The following WWP2 variants were observed in gnomAD, a reference collection of about 807,000 sequenced individuals.
The protein encoded by WWP2 is NEDD4-like E3 ubiquitin-protein ligase WWP2.
A neutral mutation model predicts 121.0 loss-of-function variants in WWP2; 57 were observed. That is an observed-to-expected ratio of 0.47 (90% CI 0.38 to 0.59). The LOEUF (loss-of-function observed/expected upper bound fraction) is 0.59. Among genes scored for constraint, WWP2 ranks in the 20% least tolerant of loss-of-function variants. The probability of loss-of-function intolerance (pLI) is 0.00; values close to 1 mark genes in which losing one functional copy is unlikely to be tolerated. For synonymous variants in WWP2, 449 were observed against 441.3 expected (o/e 1.02, Z -0.22); for missense variants, 962 against 1,158.9 (o/e 0.83, Z 2.47).
intron 8 of WWP2, among the ~76,000 whole-genome samples, chr16:69,899,773 C>G (rs1471670364): frequency 6.7e-6 from 1 of 148,346 alleles, no homozygotes; most frequent in Non-Finnish European, 1.5e-5. Flanking sequence ...TTTATAGGCA[C>G]TGGGGTGGCA....
intron 8 of WWP2, among the ~76,000 whole-genome samples, chr16:69,901,114 AT>A (rs2058196767): frequency 6.6e-6 from 1 of 152,200 alleles, no homozygotes; most frequent in Non-Finnish European, 1.5e-5. Flanking sequence ...CTGCAGACAG[AT>A]TGCTGACTCA....
At chr16:69,850,115 A>G (rs545799517) in intron 6 of WWP2, among the ~76,000 whole-genome samples, 4 of 152,186 alleles carry the variant, frequency 2.6e-5, no homozygotes, top group South Asian at 4.2e-4. Context: ...GGCCGGGCGC[A>G]GTGGCTCACG....
chr16:69,909,394 A>G (rs1438986864), intron 9 of WWP2: 3 of 985,776 alleles, frequency 3.0e-6, no homozygotes, highest in Middle Eastern at 5.2e-4. Context: ...AAATATGCAC[A>G]CTTCCCCTGC....
chr16:69,849,911 G>T (rs79696706), intron 6 of WWP2, among the ~76,000 whole-genome samples: 24,265 of 152,064 alleles, frequency 0.16, 2,267 homozygotes, highest in East Asian at 0.4. Context: ...TTTATTTATT[G>T]CATAGATATT....
chr16:69,788,572 A>G (rs1360710729), intron 2 of WWP2, among the ~76,000 whole-genome samples: 2 of 152,100 alleles, frequency 1.3e-5, no homozygotes, highest in Non-Finnish European at 2.9e-5. Context: ...TTTTCGCTTC[A>G]TTATTTCCTT....
chr16:69,935,273 C>T lies in WWP2; in HGVS notation c.1843-580C>T, dbSNP rs2058779596. ...GTGACTAAATATGGCCGGCCCTTCC[C>T]ATCGTCGAGGAGTTCTTGGCCAAGG... is the stretch of plus-strand genomic sequence containing the variant. On this transcript the variant is annotated intron_variant, in intron 17 of 23. Transcript: ENST00000359154. This position sits in a 1 kb window ranked among gnomAD's most constrained non-coding sequence, Gnocchi z 5.2. 6.6e-6 allele frequency among the ~76,000 whole-genome samples: 1 copy of T among 152,200 alleles called. No individual in the cohort carries two copies. The highest frequency in any genetic ancestry group is 2.4e-5 in the African/African-American group (1 of 41,442).
intron 4 of WWP2, among the ~76,000 whole-genome samples, chr16:69,802,807 G>T (rs1367549382): frequency 6.6e-6 from 1 of 151,980 alleles, no homozygotes; most frequent in Non-Finnish European, 1.5e-5. Flanking sequence ...GTTTCACCAT[G>T]TTGGCCAGGC....
rs1407323258 is a variant in WWP2, at chr16:69,922,071, C to CCG, written c.1180-3358_1180-3357insGC. 2.8e-5 allele frequency among the ~76,000 whole-genome samples: 4 copies of CCG among 141,728 alleles called. No homozygotes were observed. In the East Asian group the frequency reaches 7.8e-4, roughly 28 times the overall value. 93.0% of individuals were successfully genotyped at this position (141,728 alleles called of 152,430 possible). On this transcript the variant is annotated intron_variant, in intron 10 of 23. Transcript: ENST00000359154. ...CCAGCCAGAGACACAGAGTGAGACT[C>CCG]CATCTCAAAAAAAAAAAAAAAAAGG...
chr16:69,805,253 C>G lies in WWP2; in HGVS notation c.340+5958C>G, dbSNP rs141773872. ...GTTTCATCATTAAGGCCAGGCTGGTCTCAAACTCCTGACCTCAGGCGATTT... is the reference window on the plus strand; with the variant it reads ...GTTTCATCATTAAGGCCAGGCTGGTGTCAAACTCCTGACCTCAGGCGATTT... On this transcript the variant is annotated intron_variant, in intron 4 of 23. Transcript: ENST00000359154. Among the ~76,000 whole-genome samples, 328 of 152,124 alleles carry G rather than the reference C, an allele frequency of 2.2e-3. 2 individuals carry two copies. The highest frequency in any genetic ancestry group is 7.3e-3 in the African/African-American group (303 of 41,492).
chr16:69,931,946 A>G, intron 16 of WWP2, 56 bp downstream of exon 16: 2 of 1,515,196 alleles, frequency 1.3e-6, no homozygotes, highest in Non-Finnish European at 9.0e-7. Context: ...AGGCTACAGC[A>G]TCAATGGCCA....
In WWP2 at chr16:69,941,256, GGGC is replaced by G. The variant is rs2058876518; in HGVS notation, c.*1317_*1319del. 6.6e-6 allele frequency: 1 copy of G among 152,644 alleles called. No individual in the cohort carries two copies. The highest frequency in any genetic ancestry group is 1.5e-5 in the Non-Finnish European group (1 of 68,070). The allele number at this position is 152,644 out of a possible 1,614,324, so 9.5% of individuals were successfully genotyped here. On this transcript the variant is annotated 3_prime_UTR_variant, in exon 24 of 24. Coordinates refer to ENST00000359154, the MANE Select transcript of WWP2 (RefSeq NM_001270454.2). ...GTGACCATGCCCCACCGGGGTGCTGGGGCAGTAGTCATGGCAGACTCCCGGCCT... is the reference window on the plus strand; with the variant it reads ...GTGACCATGCCCCACCGGGGTGCTGGAGTAGTCATGGCAGACTCCCGGCCT...
At chr16:69,767,858 G>C (rs1438378383) in intron 1 of WWP2, among the ~76,000 whole-genome samples, 1 of 152,046 alleles carries the variant, frequency 6.6e-6, no homozygotes, top group African/African-American at 2.4e-5. Flanking sequence ...TTGCTTTTGA[G>C]ACAAGGTCTC....
chr16:69,817,507 C>T (rs939627603), intron 4 of WWP2, among the ~76,000 whole-genome samples: 1 of 152,174 alleles, frequency 6.6e-6, no homozygotes, highest in African/African-American at 2.4e-5. Context: ...ACCTTGGCCT[C>T]CCAAAGTGCT....
intron 6 of WWP2, among the ~76,000 whole-genome samples, chr16:69,858,714 C>T (rs1255741591): frequency 1.3e-5 from 2 of 152,184 alleles, no homozygotes; most frequent in African/African-American, 2.4e-5. Context: ...AGAATTGACA[C>T]ATAAATAAGT....
chr16:69,929,340 A>G (rs2058679961), intron 11 of WWP2, 108 bp from the exon 12 acceptor site: 1 of 971,540 alleles, frequency 1.0e-6, no homozygotes, highest in Non-Finnish European at 1.6e-6. Flanking sequence ...CAGGCTGACA[A>G]CAGGGAGATA....
intron 4 of WWP2, among the ~76,000 whole-genome samples, chr16:69,832,818 C>A (rs2056816118): frequency 6.6e-6 from 1 of 152,166 alleles, no homozygotes; most frequent in South Asian, 2.1e-4. Context: ...GCTGGGATTA[C>A]AGGTGTGAAC....
At chr16:69,861,699 G>T (rs577117826) in intron 6 of WWP2, among the ~76,000 whole-genome samples, 1 of 151,432 alleles carries the variant, frequency 6.6e-6, no homozygotes, top group South Asian at 2.1e-4. Context: ...ATTGAGGGGG[G>T]TGCAGGTGGG....
chr16:69,763,934 A>C (rs2038672462), intron 1 of WWP2, among the ~76,000 whole-genome samples: 1 of 152,232 alleles, frequency 6.6e-6, no homozygotes, highest in African/African-American at 2.4e-5. Flanking sequence ...ATATGAAAAC[A>C]GGCTCGAGAG....
intron 9 of WWP2, among the ~76,000 whole-genome samples, chr16:69,911,629 G>A (rs2362643): frequency 0.74 from 112,596 of 152,074 alleles, 42,520 homozygotes; most frequent in East Asian, 0.96. Context: ...ACTGTTCTGT[G>A]CAAGATTTCA....
Sources: allele counts gnomAD v4.1 joint callset (sites outside exome capture counted in the v4.1 genomes callset), GRCh38; gene constraint gnomAD v4.1.1; non-coding constraint Gnocchi (gnomAD v3.1); transcripts MANE v1.5; gene names NCBI Gene and HGNC (gene_info 2026-07-23, HGNC 2026-07-21).